MPDZ: variants seen among roughly 807,000 people sequenced by gnomAD.
The protein encoded by MPDZ is multiple PDZ domain crumbs cell polarity complex component.
MPDZ carries 234 observed loss-of-function variants against 239.1 expected under a neutral mutation model. The ratio of observed to expected loss-of-function variants is 0.98; its 90% confidence interval spans 0.88 to 1.09. MPDZ has a LOEUF of 1.09. MPDZ is among the 50% of genes least tolerant of loss of function. MPDZ has a pLI of 0.00. For synonymous variants in MPDZ, 1,048 were observed against 881.3 expected, an observed-to-expected ratio of 1.19 and a Z score of -3.35; for missense variants, 3,175 against 2,510.0, an observed-to-expected ratio of 1.26 and a Z score of -5.66.
Position 13,130,968 on chromosome 9 carries a change from G to A in MPDZ, c.4464+2856C>T, listed in dbSNP as rs1436947736. Among the ~76,000 whole-genome samples, 2 of 152,200 alleles carry A rather than the reference G, an allele frequency of 1.3e-5. 1 individual carries two copies. Among genetic ancestry groups the A allele is most frequent in the Non-Finnish European group, 2.9e-5 (2 of 68,040 alleles). On this transcript the variant is annotated intron_variant, in intron 32 of 46. Coordinates refer to ENST00000319217, the MANE Select transcript of MPDZ (RefSeq NM_001378778.1). ...TTCAATTCCAGCTCTACTATTTGGA[G>A]TTATGGGAACAGTTCAAAGTGGAGA...
chr9:13,109,094 TAAA>T, intron 45 of MPDZ, 35 bp from the exon 46 acceptor site: 1 of 983,738 alleles, frequency 1.0e-6, no homozygotes, highest in Non-Finnish European at 1.3e-6. Flanking sequence ...GGTTTTAAAT[TAAA>T]AAAAAAAAAC....
rs769078887 is a variant in MPDZ at position 13,188,784 on chromosome 9, G to C, written c.2364C>G (p.Pro788=). 6 of 1,609,006 alleles carry C rather than the reference G, an allele frequency of 3.7e-6. No individual in the cohort carries two copies. The East Asian group carries it at 1.1e-4, about 30-fold the overall frequency. The change falls in exon 17 of 47, where the codon CCC becomes CCG. Residue 788 remains proline (P), a splice_region_variant and synonymous_variant. Transcript: ENST00000319217. ...TVRIGVAKPL[P]LSPEEGYVSA... Reference sequence around the variant, plus strand: ...GAAGCAATAAAGTCTGAATTCTTACGGGTAAAGGCTTAGCAACTCCTATTC... The same window carrying C: ...GAAGCAATAAAGTCTGAATTCTTACCGGTAAAGGCTTAGCAACTCCTATTC...
rs1941413960 is a variant in MPDZ, at chr9:13,106,009, T to G, written c.*956A>C. The G allele has an allele frequency of 6.6e-6, 1 of 152,200 alleles. No homozygotes were observed. Among genetic ancestry groups the G allele is most frequent in the Non-Finnish European group, 1.5e-5 (1 of 68,020 alleles). 9.4% of individuals were successfully genotyped at this position (152,200 alleles called of 1,614,324 possible). A position where few individuals can be genotyped will look rare whatever the true frequency, so the allele number is the denominator to read the frequency against. On this transcript the variant is annotated 3_prime_UTR_variant, in exon 47 of 47. Transcript: ENST00000319217. ...CCCCTTAATTTTTCTATCAATTTAC[T>G]AATGGCATACAACCAAAATAATTAG...
chr9:13,138,387 T>G (rs549864053), intron 28 of MPDZ, among the ~76,000 whole-genome samples: 15 of 152,284 alleles, frequency 9.9e-5, no homozygotes, highest in African/African-American at 3.4e-4. Flanking sequence ...AATGTCTGAT[T>G]AATCAGTTCA....
At position 13,170,478 on chromosome 9, in the gene MPDZ, G is replaced by A. The variant is rs79708154; in HGVS notation, c.3056-1914C>T. On this transcript the variant is annotated intron_variant, in intron 21 of 46. Transcript: ENST00000319217. ...CCATAAAACAATAAGATACCGTTTC[G>A]GGTGAGAAAAAAGGCTGAATCTGAA... 7.0e-3 allele frequency among the ~76,000 whole-genome samples: 1,062 copies of A among 152,136 alleles called. 18 individuals are homozygous for A. Among genetic ancestry groups the A allele is most frequent in the African/African-American group, 0.024 (1,013 of 41,516 alleles).
At chr9:13,278,146 G>C (rs1224359951) in intron 1 of MPDZ, among the ~76,000 whole-genome samples, 1 of 152,198 alleles carries the variant, frequency 6.6e-6, no homozygotes, top group Admixed American at 6.5e-5. Flanking sequence ...GGCAGGACGA[G>C]GCAGTCTGAT....
At chr9:13,249,857 A>G (rs1010178983) in intron 2 of MPDZ, among the ~76,000 whole-genome samples, 4 of 152,222 alleles carry the variant, frequency 2.6e-5, no homozygotes, top group African/African-American at 7.2e-5. Context: ...GCCTTAAAGC[A>G]TAAGACTAAG....
At chr9:13,162,054 C>G (rs1950550082) in intron 23 of MPDZ, among the ~76,000 whole-genome samples, 1 of 152,054 alleles carries the variant, frequency 6.6e-6, no homozygotes. Context: ...TGCTTAAGCT[C>G]AGAAGTTTGA....
intron 10 of MPDZ, among the ~76,000 whole-genome samples, chr9:13,210,652 C>T (rs574107117): frequency 9.2e-5 from 14 of 152,088 alleles, no homozygotes; most frequent in Middle Eastern, 3.4e-3. Context: ...GGGCATAGAC[C>T]ACACAGGAGT....
rs189055777 is a variant in MPDZ, at chr9:13,171,165, G to C, written c.3056-2601C>G. Among the ~76,000 whole-genome samples the C allele has an allele frequency of 1.8e-3, 272 of 152,232 alleles. 1 individual carries two copies. The highest frequency in any genetic ancestry group is 3.2e-3 in the Non-Finnish European group (219 of 68,000). On this transcript the variant is annotated intron_variant, in intron 21 of 46. Coordinates refer to ENST00000319217, the MANE Select transcript of MPDZ (RefSeq NM_001378778.1). ...CTAAGTGAGAAACACATATGTAATA[G>C]TACTTTGAAAATACCTGACACAAAG...
At chr9:13,205,805 AGCATT>A in intron 11 of MPDZ, 106 bp downstream of exon 11, 1 of 999,502 alleles carries the variant, frequency 1.0e-6, no homozygotes, top group Non-Finnish European at 1.4e-6. Context: ...GAGGGTAAAA[AGCATT>A]CTGAATAATT....
chr9:13,210,923 A>T (rs1957548241), intron 10 of MPDZ, among the ~76,000 whole-genome samples: 1 of 152,136 alleles, frequency 6.6e-6, no homozygotes, highest in Non-Finnish European at 1.5e-5. Flanking sequence ...GCACAAAGCC[A>T]TCTTTCAGCA....
Position 13,198,752 on chromosome 9 carries a change from T to C in MPDZ, c.1547-2522A>G, listed in dbSNP as rs1470405991. On this transcript the variant is annotated intron_variant, in intron 12 of 46. Transcript: ENST00000319217. ...ATCTCTCTCTCTGTGTGTGTGTGTG[T>C]GTGTGTGTGTGTGTGTGTGTGTGTG... 1.4e-5 allele frequency among the ~76,000 whole-genome samples: 2 copies of C among 148,088 alleles called. 1 individual carries two copies. The highest frequency in any genetic ancestry group is 4.9e-5 in the African/African-American group (2 of 40,698).
At chr9:13,240,580 T>TTAA (rs1965152772) in intron 3 of MPDZ, among the ~76,000 whole-genome samples, 2 of 44,012 alleles carry the variant, frequency 4.5e-5, no homozygotes, top group African/African-American at 2.3e-4. Context: ...ATAATAAAAG[T>TTAA]AAAAAAAAAA....
At chr9:13,136,656 C>CA in intron 30 of MPDZ, 56 bp downstream of exon 30, 1 of 1,131,346 alleles carries the variant, frequency 8.8e-7, no homozygotes, top group Non-Finnish European at 1.3e-6. Context: ...CAAAAGAACT[C>CA]AGAGAAGAAA....
rs1944855591 is a variant in MPDZ at position 13,124,631 on chromosome 9, G to T, written c.4807+585C>A. Among the ~76,000 whole-genome samples the T allele has an allele frequency of 1.3e-5, 2 of 152,062 alleles. 1 individual carries two copies. Among genetic ancestry groups the T allele is most frequent in the South Asian group, 4.1e-4 (2 of 4,822 alleles). ...TGACACATTAAAGTGTCACCCTATG[G>T]TTCACGTAACCTAAATCCATTTCCA... On this transcript the variant is annotated intron_variant, in intron 35 of 46. Transcript: ENST00000319217.
At chr9:13,250,921 G>A (rs545747744) in intron 1 of MPDZ, among the ~76,000 whole-genome samples, 8 of 151,984 alleles carry the variant, frequency 5.3e-5, no homozygotes, top group South Asian at 4.2e-4. Flanking sequence ...TTGAGGTCAG[G>A]AGTTCGAGAC....
At chr9:13,121,700 T>C (rs1944372479) in intron 38 of MPDZ, 39 bp downstream of exon 38, 2 of 1,603,160 alleles carry the variant, frequency 1.2e-6, no homozygotes, top group African/African-American at 1.3e-5. Context: ...AGTCCCATCA[T>C]TTCCAAGGGA....
At chr9:13,134,228 G>A (rs1946421194) in intron 31 of MPDZ, 1 of 155,216 alleles carries the variant, frequency 6.4e-6, no homozygotes, top group Non-Finnish European at 1.4e-5. Flanking sequence ...AAAACCGATG[G>A]TAGCCCAGCT....
Sources: allele counts gnomAD v4.1 joint callset (sites outside exome capture counted in the v4.1 genomes callset), GRCh38; gene constraint gnomAD v4.1.1; transcripts MANE v1.5; gene names NCBI Gene and HGNC (gene_info 2026-07-23, HGNC 2026-07-21).